PLS1: variants seen among roughly 807,000 people sequenced by gnomAD.
PLS1 encodes plastin-1.
In PLS1, 32 loss-of-function variants were observed where a neutral mutation model predicts 73.7. That is an observed-to-expected ratio of 0.43 (90% CI 0.33 to 0.58). The LOEUF is 0.58. PLS1 is among the 20% of genes least tolerant of loss of function. The probability of loss-of-function intolerance (pLI) is 0.04; values close to 1 mark genes in which losing one functional copy is unlikely to be tolerated. For missense variants in PLS1, 633 were observed against 740.5 expected (o/e 0.85, Z 1.68); for synonymous variants, 217 against 261.3 (o/e 0.83, Z 1.63).
chr3:142,660,616 C>T (rs2037349606), intron 1 of PLS1, among the ~76,000 whole-genome samples: 1 of 152,206 alleles, frequency 6.6e-6, no homozygotes, highest in Non-Finnish European at 1.5e-5. Context: ...GTAACTTCCA[C>T]ACCATTGTGA....
intron 1 of PLS1, among the ~76,000 whole-genome samples, chr3:142,600,347 G>A (rs1205339136): frequency 6.6e-6 from 1 of 152,128 alleles, no homozygotes; most frequent in Non-Finnish European, 1.5e-5. Context: ...CCTTGGGACT[G>A]AGAGTCTATT....
chr3:142,611,906 G>T (rs1485303335), intron 1 of PLS1, among the ~76,000 whole-genome samples: 1 of 152,028 alleles, frequency 6.6e-6, no homozygotes, highest in Non-Finnish European at 1.5e-5. Flanking sequence ...TAACTTTTTA[G>T]CTGTGAAACC....
chr3:142,655,663 A>C (rs1266104934), intron 1 of PLS1, among the ~76,000 whole-genome samples: 1 of 149,102 alleles, frequency 6.7e-6, no homozygotes, highest in African/African-American at 2.5e-5. Flanking sequence ...TGGAGGTTGC[A>C]GTGAGCTGAG....
At position 142,617,445 on chromosome 3, in the gene PLS1, A is replaced by C. The variant is rs184561065; in HGVS notation, c.-37+20936A>C. 3.3e-5 allele frequency among the ~76,000 whole-genome samples: 5 copies of C among 152,342 alleles called. No homozygotes were observed. The East Asian group carries it at 9.6e-4, about 29-fold the overall frequency. Reference sequence around the variant, plus strand: ...TACTGTGTTGCAAGAACTGTGCTTAATCTGCACTTGGGGCCTTGATCAGCA... The same window carrying C: ...TACTGTGTTGCAAGAACTGTGCTTACTCTGCACTTGGGGCCTTGATCAGCA... On this transcript the variant is annotated intron_variant, in intron 1 of 15. Coordinates refer to ENST00000457734, the MANE Select transcript of PLS1 (RefSeq NM_001145319.2).
rs373184637 is a variant in PLS1, at chr3:142,684,240, G to C, written c.746-13G>C. 1.6e-5 allele frequency: 26 copies of C among 1,613,948 alleles called. No homozygotes were observed. Among genetic ancestry groups the C allele is most frequent in the African/African-American group, 2.7e-5 (2 of 74,922 alleles). ...CTATGGGAAGAATTTACATTTCGCT[G>C]TTTTGCCCTCAGCTCTGATTGCATT... is the stretch of plus-strand genomic sequence containing the variant. On this transcript the variant is annotated splice_polypyrimidine_tract_variant and intron_variant, in intron 7 of 15. Transcript: ENST00000457734.
intron 1 of PLS1, among the ~76,000 whole-genome samples, chr3:142,627,225 T>G (rs1192142214): frequency 6.6e-6 from 1 of 152,202 alleles, no homozygotes; most frequent in East Asian, 1.9e-4. Flanking sequence ...GATGACTTTT[T>G]AGGTGTTTGG....
chr3:142,706,799 A>T (rs1174982011), intron 14 of PLS1, among the ~76,000 whole-genome samples: 2 of 152,106 alleles, frequency 1.3e-5, no homozygotes, highest in African/African-American at 4.8e-5. Flanking sequence ...AGAAGAAGGG[A>T]GGGAGGAGCC....
intron 3 of PLS1, among the ~76,000 whole-genome samples, chr3:142,670,385 C>T (rs143237299): frequency 1.3e-5 from 2 of 152,236 alleles, no homozygotes; most frequent in East Asian, 3.9e-4. Context: ...TCAGGTCACA[C>T]AGGGCCATGT....
At chr3:142,641,245 A>G (rs577890930) in intron 1 of PLS1, among the ~76,000 whole-genome samples, 2 of 145,268 alleles carry the variant, frequency 1.4e-5, no homozygotes, top group African/African-American at 2.5e-5. Flanking sequence ...CTATATATCT[A>G]TATATCTCTC....
At chr3:142,600,914 A>ATTTTT (rs1560024568) in intron 1 of PLS1, among the ~76,000 whole-genome samples, 46 of 19,016 alleles carry the variant, frequency 2.4e-3, no homozygotes, top group Non-Finnish European at 2.6e-3. Flanking sequence ...ATATATATAT[A>ATTTTT]TATTTTTTTT....
intron 1 of PLS1, among the ~76,000 whole-genome samples, chr3:142,601,072 C>T (rs1409801117): frequency 8.2e-5 from 12 of 146,752 alleles, no homozygotes; most frequent in East Asian, 4.0e-4. Context: ...TACAGGCACC[C>T]GCCACCACGC....
chr3:142,703,864 A>C lies in PLS1; in HGVS notation c.1372-4A>C. 1 of 1,600,502 alleles carries C rather than the reference A, an allele frequency of 6.2e-7. No homozygotes were observed. On this transcript the variant is annotated splice_region_variant and splice_polypyrimidine_tract_variant and intron_variant, in intron 12 of 15. Transcript: ENST00000457734. ...TTTATACCCAAACTTTTACTTATTT[A>C]TAGATTGAAAACTGTAACTATGCAG...
chr3:142,633,587 T>G (rs201562319), intron 1 of PLS1, among the ~76,000 whole-genome samples: 1 of 151,722 alleles, frequency 6.6e-6, no homozygotes, highest in Admixed American at 6.6e-5. Context: ...ACCTGGGAGG[T>G]GGAGGTTGCA....
intron 1 of PLS1, among the ~76,000 whole-genome samples, chr3:142,640,580 T>A (rs1560043820): frequency 6.6e-6 from 1 of 152,156 alleles, no homozygotes; most frequent in South Asian, 2.1e-4. Context: ...CTGGAATGAT[T>A]ACCAAGACTT....
At chr3:142,706,453 C>T (rs1162417670) in intron 14 of PLS1, among the ~76,000 whole-genome samples, 1 of 152,050 alleles carries the variant, frequency 6.6e-6, no homozygotes, top group Non-Finnish European at 1.5e-5. Flanking sequence ...TGAATAAAGG[C>T]ATGTCTCAGA....
chr3:142,618,412 A>G (rs2036252279), intron 1 of PLS1, among the ~76,000 whole-genome samples: 2 of 152,194 alleles, frequency 1.3e-5, no homozygotes, highest in African/African-American at 4.8e-5. Context: ...CAAGTTTAGC[A>G]ACTTAAACAA....
chr3:142,625,148 C>T (rs530981695), intron 1 of PLS1, among the ~76,000 whole-genome samples: 10 of 152,160 alleles, frequency 6.6e-5, no homozygotes, highest in East Asian at 1.9e-4. Context: ...TCTGGAAATA[C>T]GAGCTCAAAG....
chr3:142,599,669 C>T (rs1248972212), intron 1 of PLS1, among the ~76,000 whole-genome samples: 1 of 152,120 alleles, frequency 6.6e-6, no homozygotes, highest in East Asian at 1.9e-4. Context: ...TAGCCAGAAG[C>T]TCTGTTCAAA....
intron 4 of PLS1, among the ~76,000 whole-genome samples, chr3:142,675,446 G>A (rs868362901): frequency 6.6e-6 from 1 of 151,878 alleles, no homozygotes. Context: ...GCAGTGGCGC[G>A]ATCTCGGTTC....
Sources: gnomAD v4.1 joint callset for allele counts (sites outside exome capture counted in the v4.1 genomes callset) on GRCh38, gnomAD v4.1.1 for gene constraint, MANE v1.5 for transcripts, NCBI Gene and HGNC (gene_info 2026-07-23, HGNC 2026-07-21) for gene names.